The following TGFA variants were observed in gnomAD, a reference collection of about 807,000 sequenced individuals.
The protein encoded by TGFA is transforming growth factor alpha.
TGFA carries 12 observed loss-of-function variants against 21.7 expected under a neutral mutation model. The ratio of observed to expected loss-of-function variants is 0.55; its 90% CI spans 0.35 to 0.90. The LOEUF (loss-of-function observed/expected upper bound fraction) is 0.90. Ranked by LOEUF, TGFA falls within the 40% of genes least tolerant of loss-of-function variation. TGFA has a pLI of 0.01. For missense variants in TGFA, 178 were observed against 210.8 expected, an observed-to-expected ratio of 0.84 and a Z score of 0.96; for synonymous variants, 79 against 88.1, an observed-to-expected ratio of 0.90 and a Z score of 0.58.
At chr2:70,451,964 C>T (rs1252038388) in intron 5 of TGFA, among the ~76,000 whole-genome samples, 1 of 152,186 alleles carries the variant, frequency 6.6e-6, no homozygotes, top group African/African-American at 2.4e-5. Flanking sequence ...AAGTGCCGCT[C>T]CCGCACTCTC....
At chr2:70,545,551 C>G (rs782587589) in intron 1 of TGFA, among the ~76,000 whole-genome samples, 1 of 152,118 alleles carries the variant, frequency 6.6e-6, no homozygotes, top group Non-Finnish European at 1.5e-5. Flanking sequence ...AACTGGTTAA[C>G]TGTTTCAAAA....
chr2:70,517,037 T>C (rs1357063079), intron 1 of TGFA, among the ~76,000 whole-genome samples: 1 of 152,218 alleles, frequency 6.6e-6, no homozygotes, highest in Non-Finnish European at 1.5e-5. Context: ...AAGACACTGA[T>C]GAGCACCACT....
In TGFA at chr2:70,514,896, C is replaced by G. The variant is rs371384477; in HGVS notation, c.57G>C (p.Ala19=). ...ALFALGIVLA[A]CQALENSTSP... Reference sequence around the variant, plus strand: ...ACGTGCTGTTCTCCAAGGCCTGGCACGCAGCCAACACAATACCTGTTGGGT... The same window carrying G: ...ACGTGCTGTTCTCCAAGGCCTGGCAGGCAGCCAACACAATACCTGTTGGGT... Residue 19 remains alanine (A), a synonymous_variant, in exon 2 of 6, where the codon GCG becomes GCC. Transcript: ENST00000295400. The G allele has an allele frequency of 7.4e-6, 12 of 1,613,988 alleles. No homozygotes were observed. Among genetic ancestry groups the G allele is most frequent in the Non-Finnish European group, 8.5e-6 (10 of 1,179,996 alleles).
intron 1 of TGFA, among the ~76,000 whole-genome samples, chr2:70,530,945 C>T (rs1258981781): frequency 6.6e-6 from 1 of 152,206 alleles, no homozygotes; most frequent in African/African-American, 2.4e-5. Context: ...CCTGAGGCCC[C>T]AGGTCTCCAC....
chr2:70,532,042 A>T (rs1553503765), intron 1 of TGFA, among the ~76,000 whole-genome samples: 1 of 152,198 alleles, frequency 6.6e-6, no homozygotes, highest in African/African-American at 2.4e-5. Context: ...CCCCAGTATA[A>T]GGGAGGCAGT....
intron 2 of TGFA, among the ~76,000 whole-genome samples, chr2:70,504,471 T>TATAC (rs1671852460): frequency 1.6e-4 from 14 of 87,162 alleles, no homozygotes; most frequent in Admixed American, 8.9e-4. Context: ...TATACACACA[T>TATAC]ACATACATAC....
intron 1 of TGFA, among the ~76,000 whole-genome samples, chr2:70,527,970 C>A (rs373757071): frequency 6.6e-6 from 1 of 152,186 alleles, no homozygotes; most frequent in African/African-American, 2.4e-5. Context: ...ACTGCTTAGT[C>A]GTGGATGAGC....
At position 70,450,654 on chromosome 2, in the gene TGFA, T is replaced by A. The variant is rs1670024905; in HGVS notation, c.*205A>T. On this transcript the variant is annotated 3_prime_UTR_variant, in exon 6 of 6. Coordinates refer to ENST00000295400, the MANE Select transcript of TGFA (RefSeq NM_003236.4). ...AGTCTTGAAATCGTGGTCCGCTGAT[T>A]TCTTCTCTAGGTCACACTGAATAAC... The A allele has an allele frequency of 1.7e-6, 1 of 578,214 alleles. No individual in the cohort carries two copies. Among genetic ancestry groups the A allele is most frequent in the Non-Finnish European group, 3.1e-6 (1 of 319,790 alleles). The allele number at this position is 578,214 out of a possible 1,614,324, so 35.8% of individuals were successfully genotyped here.
intron 1 of TGFA, among the ~76,000 whole-genome samples, chr2:70,516,078 T>C (rs1434860670): frequency 6.6e-6 from 1 of 152,172 alleles, no homozygotes; most frequent in Non-Finnish European, 1.5e-5. Context: ...TTTCTGGAAA[T>C]GGTAGCAACC....
intron 1 of TGFA, among the ~76,000 whole-genome samples, chr2:70,528,123 G>A (rs559096525): frequency 2.0e-5 from 3 of 152,280 alleles, no homozygotes; most frequent in African/African-American, 7.2e-5. Context: ...GCAGAAGCAC[G>A]CTTATTTCTC....
At chr2:70,520,789 G>A (rs140593532) in intron 1 of TGFA, among the ~76,000 whole-genome samples, 1 of 152,132 alleles carries the variant, frequency 6.6e-6, no homozygotes, top group East Asian at 1.9e-4. Context: ...CTGCTTCCAT[G>A]CCCAAACACT....
At chr2:70,460,328 T>G (rs1385646009) in intron 3 of TGFA, among the ~76,000 whole-genome samples, 1 of 152,062 alleles carries the variant, frequency 6.6e-6, no homozygotes. Flanking sequence ...TGGAAATGCT[T>G]CTCAGCTGCT....
chr2:70,493,126 A>T (rs1313607371), intron 2 of TGFA, among the ~76,000 whole-genome samples: 1 of 152,220 alleles, frequency 6.6e-6, no homozygotes, highest in African/African-American at 2.4e-5. Flanking sequence ...AATGTACATG[A>T]TAAAACCCAA....
At chr2:70,516,205 C>G (rs373108938) in intron 1 of TGFA, among the ~76,000 whole-genome samples, 1 of 152,230 alleles carries the variant, frequency 6.6e-6, no homozygotes, top group East Asian at 1.9e-4. Flanking sequence ...GGGGCTGGGC[C>G]TCTGACAGGT....
chr2:70,449,202 G>GA lies in TGFA; in HGVS notation c.*1656dup, dbSNP rs1669977142. The GA allele has an allele frequency of 6.7e-6, 1 of 150,306 alleles. No homozygotes were observed. Among genetic ancestry groups the GA allele is most frequent in the Non-Finnish European group, 1.5e-5 (1 of 67,634 alleles). 9.3% of individuals were successfully genotyped at this position (150,306 alleles called of 1,614,324 possible). ...TCTGAATTATAAAAAAAAATAAAGA[G>GA]AAAATTCATAGAAATTGTTCTTCCA... On this transcript the variant is annotated 3_prime_UTR_variant, in exon 6 of 6. Coordinates refer to ENST00000295400, the MANE Select transcript of TGFA (RefSeq NM_003236.4).
intron 5 of TGFA, chr2:70,451,867 C>T: frequency 1.5e-6 from 1 of 652,180 alleles, no homozygotes; most frequent in Non-Finnish European, 2.7e-6. Context: ...CTCAGTTTAC[C>T]CACATCGCTC....
At chr2:70,484,186 G>T (rs1671206652) in intron 2 of TGFA, among the ~76,000 whole-genome samples, 1 of 152,226 alleles carries the variant, frequency 6.6e-6, no homozygotes, top group Non-Finnish European at 1.5e-5. Flanking sequence ...ATTCACAGAA[G>T]CAGGTGTCCC....
intron 2 of TGFA, among the ~76,000 whole-genome samples, chr2:70,487,304 T>C (rs1671298607): frequency 6.6e-6 from 1 of 152,206 alleles, no homozygotes; most frequent in African/African-American, 2.4e-5. Context: ...AGTATTATGC[T>C]ACAGGTTGAG....
intron 1 of TGFA, among the ~76,000 whole-genome samples, chr2:70,525,852 G>C (rs1553502918): frequency 6.6e-6 from 1 of 152,134 alleles, no homozygotes; most frequent in Non-Finnish European, 1.5e-5. Flanking sequence ...CAAGGACTAG[G>C]GGGCACTACT....
Sources: allele counts gnomAD v4.1 joint callset (sites outside exome capture counted in the v4.1 genomes callset), GRCh38; gene constraint gnomAD v4.1.1; transcripts MANE v1.5; gene names NCBI Gene and HGNC (gene_info 2026-07-23, HGNC 2026-07-21).